The following OR2T11 variants were observed in gnomAD, a reference collection of about 807,000 sequenced individuals.
The protein encoded by OR2T11 is olfactory receptor 2T11.
A neutral mutation model predicts 13.5 loss-of-function variants in OR2T11; 14 were observed. That is an observed-to-expected ratio of 1.04 (90% CI 0.69 to 1.62). The LOEUF (loss-of-function observed/expected upper bound fraction) is 1.62, where lower values mean the gene tolerates loss of function less well. OR2T11 is among the 40% of genes most tolerant of loss of function. The pLI is 0.00. For synonymous variants in OR2T11, 163 were observed against 154.6 expected, an observed-to-expected ratio of 1.05 and a Z score of -0.40; for missense variants, 410 against 389.7, an observed-to-expected ratio of 1.05 and a Z score of -0.44.
intron 1 of OR2T11, among the ~76,000 whole-genome samples, chr1:248,630,638 A>T (rs1306195167): frequency 6.9e-6 from 1 of 144,146 alleles, no homozygotes; most frequent in African/African-American, 2.7e-5. Flanking sequence ...GCAAAATGTC[A>T]TCTGCCTTCT....
Position 248,625,110 on chromosome 1 carries a change from A to C in OR2T11, c.*1068T>G, listed in dbSNP as rs1207843526. 7.0e-6 allele frequency: 1 copy of C among 143,564 alleles called. No homozygotes were observed. The highest frequency in any genetic ancestry group is 1.5e-5 in the Non-Finnish European group (1 of 66,296). The allele number at this position is 143,564 out of a possible 1,614,324, so 8.9% of individuals were successfully genotyped here. A position where few individuals can be genotyped will look rare whatever the true frequency, so the allele number is the denominator to read the frequency against. On this transcript the variant is annotated 3_prime_UTR_variant, in exon 2 of 2. Coordinates refer to ENST00000641193, the MANE Select transcript of OR2T11 (RefSeq NM_001001964.2). ...CTACCGACAAGTTTTCCAAATATCA[A>C]TATTCCATTTTTTTATTCACTTGGG... is the stretch of plus-strand genomic sequence containing the variant.
In OR2T11 at chr1:248,629,244, C is replaced by T. The variant is rs554466661; in HGVS notation, c.-144-1972G>A. Among the ~76,000 whole-genome samples, 24 of 141,844 alleles carry T rather than the reference C, an allele frequency of 1.7e-4. 2 individuals carry two copies. Among genetic ancestry groups the T allele is most frequent in the Non-Finnish European group, 3.0e-4 (20 of 65,912 alleles). The allele number at this position is 141,844 out of a possible 152,430, so 93.1% of individuals were successfully genotyped here. A position where few individuals can be genotyped will look rare whatever the true frequency, so the allele number is the denominator to read the frequency against. On this transcript the variant is annotated intron_variant, in intron 1 of 1. Coordinates refer to ENST00000641193, the MANE Select transcript of OR2T11 (RefSeq NM_001001964.2). ...TAACAGAGCTCGTCTTTATAAAAAA[C>T]TAGCCAGGCGTGGTGGTGCACGTCA...
intron 1 of OR2T11, among the ~76,000 whole-genome samples, chr1:248,633,594 A>C (rs28520720): frequency 0.93 from 121,853 of 130,858 alleles, 58,454 homozygotes; most frequent in East Asian, 0.99. Flanking sequence ...CTTCATTAAA[A>C]CTTCAGCTAT....
chr1:248,633,505 C>T (rs1284991904), intron 1 of OR2T11, among the ~76,000 whole-genome samples: 2 of 141,380 alleles, frequency 1.4e-5, no homozygotes, highest in African/African-American at 5.6e-5. Flanking sequence ...GCATCCCTGC[C>T]TTGGGCCAAA....
At position 248,626,299 on chromosome 1, in the gene OR2T11, A is replaced by G; in HGVS notation, c.830T>C (p.Ile277Thr). 1 of 1,569,080 alleles carries G rather than the reference A, an allele frequency of 6.4e-7. No individual in the cohort carries two copies. Among genetic ancestry groups the G allele is most frequent in the South Asian group, 1.1e-5 (1 of 88,832 alleles). The change falls in exon 2 of 2, where the codon ATT (isoleucine) becomes ACT (threonine). Residue 277 changes from isoleucine (I) to threonine (T), a missense_variant. Coordinates refer to ENST00000641193, the MANE Select transcript of OR2T11 (RefSeq NM_001001964.2). ...QDKVVSAFYT[I>T]VTPMLNPLIY... ...GAGAGGATTAAGCATGGGCGTGACA[A>G]TGGTATAGAAGGCTGACACTACTTT...
chr1:248,634,050 A>AAG lies in OR2T11; in HGVS notation c.-145+986_-145+987dup, dbSNP rs569525321. 8.5e-4 allele frequency among the ~76,000 whole-genome samples: 121 copies of AAG among 142,092 alleles called. 23 individuals carry two copies. Among genetic ancestry groups the AAG allele is most frequent in the African/African-American group, 3.2e-3 (117 of 36,138 alleles). 93.2% of individuals were successfully genotyped at this position (142,092 alleles called of 152,430 possible). A position where few individuals can be genotyped will look rare whatever the true frequency, so the allele number is the denominator to read the frequency against. ...CATGCAGTTCTATGTGAGCCTATAA[A>AAG]AGTCTAACTTTGTTAATCTTCAGTT... On this transcript the variant is annotated intron_variant, in intron 1 of 1. Coordinates refer to ENST00000641193, the MANE Select transcript of OR2T11 (RefSeq NM_001001964.2).
chr1:248,630,082 T>C (rs1334050941), intron 1 of OR2T11, among the ~76,000 whole-genome samples: 1 of 123,844 alleles, frequency 8.1e-6, no homozygotes, highest in African/African-American at 3.2e-5. Context: ...AAATCATTTT[T>C]AAACACATTC....
Position 248,632,114 on chromosome 1 carries a change from GAAA to G in OR2T11, c.-145+2921_-145+2923del, listed in dbSNP as rs548252062. On this transcript the variant is annotated intron_variant, in intron 1 of 1. Transcript: ENST00000641193. ...GTTATCACATGTACCCTAAGAAAAA[GAAA>G]AACAGAATGACCCTTGAAGAATCTT... Among the ~76,000 whole-genome samples the G allele has an allele frequency of 8.4e-5, 12 of 142,808 alleles. 3 individuals carry two copies. The highest frequency in any genetic ancestry group is 2.5e-4 in the African/African-American group (9 of 36,378). The allele number at this position is 142,808 out of a possible 152,430, so 93.7% of individuals were successfully genotyped here.
chr1:248,626,578 A>G lies in OR2T11; in HGVS notation c.551T>C (p.Leu184Pro). 1 of 1,573,154 alleles carries G rather than the reference A, an allele frequency of 6.4e-7. No individual in the cohort carries two copies. Among genetic ancestry groups the G allele is most frequent in the Non-Finnish European group, 8.6e-7 (1 of 1,156,476 alleles). ...ATACAAGGACGTGTCTGCACAGGCC[A>G]GTTTCAGAACTGCTGGGATCTCACA... The part of the protein sequence containing the change: ...FFCEIPAVLK[L>P]ACADTSLYET... Residue 184 changes from leucine to proline, a missense_variant, in exon 2 of 2, where the codon CTG becomes CCG. By Grantham distance (98) the Leu-to-Pro change is moderately conservative. Transcript: ENST00000641193.
rs1209564413 is a variant in OR2T11 at position 248,628,853 on chromosome 1, G to A, written c.-144-1581C>T. On this transcript the variant is annotated intron_variant, in intron 1 of 1. Transcript: ENST00000641193. ...CTGTCAGGCCTCCCAGAAATACTCC[G>A]TGGTCAAAACTCTACTTCAGTGAGT... Among the ~76,000 whole-genome samples, 6 of 143,214 alleles carry A rather than the reference G, an allele frequency of 4.2e-5. 2 individuals carry two copies. The highest frequency in any genetic ancestry group is 2.2e-4 in the South Asian group (1 of 4,560). 94.0% of individuals were successfully genotyped at this position (143,214 alleles called of 152,430 possible).
In OR2T11 at chr1:248,623,932, C is replaced by G. The variant is rs1252778870; in HGVS notation, c.*2246G>C. On this transcript the variant is annotated 3_prime_UTR_variant, in exon 2 of 2. Transcript: ENST00000641193. ...CTCTTCTCCAAGATGATTCTCTTCTCCTCTCAAACTTTTGACGGGACCACC... is the reference window on the plus strand; with the variant it reads ...CTCTTCTCCAAGATGATTCTCTTCTGCTCTCAAACTTTTGACGGGACCACC... 1.6e-5 allele frequency: 2 copies of G among 123,894 alleles called. 1 individual carries two copies. Among genetic ancestry groups the G allele is most frequent in the African/African-American group, 5.8e-5 (2 of 34,450 alleles). 7.7% of individuals were successfully genotyped at this position (123,894 alleles called of 1,614,324 possible).
At chr1:248,629,744 C>T (rs987171971) in intron 1 of OR2T11, among the ~76,000 whole-genome samples, 4 of 141,348 alleles carry the variant, frequency 2.8e-5, no homozygotes, top group East Asian at 4.1e-4. Flanking sequence ...GCTGCAGCGA[C>T]GGTGGCTTCC....
intron 1 of OR2T11, among the ~76,000 whole-genome samples, chr1:248,629,760 C>T (rs910273322): frequency 5.0e-5 from 7 of 140,868 alleles, no homozygotes; most frequent in African/African-American, 2.0e-4. Context: ...CTTCCTTGTC[C>T]TCTGTCCCCA....
rs2103104806 is a variant in OR2T11 at position 248,634,221 on chromosome 1, T to A, written c.-145+817A>T. Among the ~76,000 whole-genome samples, 3 of 104,424 alleles carry A rather than the reference T, an allele frequency of 2.9e-5. No homozygotes were observed. In the East Asian group the frequency reaches 8.3e-4, roughly 29 times the overall value. The allele number at this position is 104,424 out of a possible 152,430, so 68.5% of individuals were successfully genotyped here. A position where few individuals can be genotyped will look rare whatever the true frequency, so the allele number is the denominator to read the frequency against. On this transcript the variant is annotated intron_variant, in intron 1 of 1. Transcript: ENST00000641193. ...GCAAATTCTATGTTAGGAAAAGTTT[T>A]AAGTGCTTGCGATGCCTAACAATTC...
chr1:248,628,257 G>A (rs1660550669), intron 1 of OR2T11, among the ~76,000 whole-genome samples: 1 of 143,386 alleles, frequency 7.0e-6, no homozygotes, highest in Admixed American at 6.8e-5. Flanking sequence ...CATACCAGGT[G>A]GAAGATAGAT....
At chr1:248,630,496 T>C (rs1660594187) in intron 1 of OR2T11, among the ~76,000 whole-genome samples, 2 of 143,862 alleles carry the variant, frequency 1.4e-5, no homozygotes, top group African/African-American at 2.7e-5. Context: ...GCTCTTCAAC[T>C]CAGGTACCAA....
In OR2T11 at chr1:248,626,655, G is replaced by C. The variant is rs1355155546; in HGVS notation, c.474C>G (p.Pro158=). ...GGSLDGFLLT[P]ITMNVPYCGS... is the part of the protein sequence containing the mutation. ...CACAGTAAGGGACATTCATGGTGAT[G>C]GGAGTGAGCAGAAAGCCATCGAGGG... The change falls in exon 2 of 2, where the codon CCC becomes CCG. Residue 158 remains proline (P), a synonymous_variant. Transcript: ENST00000641193. 1.9e-6 allele frequency: 3 copies of C among 1,572,420 alleles called. 1 individual carries two copies. Among genetic ancestry groups the C allele is most frequent in the Non-Finnish European group, 2.6e-6 (3 of 1,155,916 alleles).
At position 248,627,185 on chromosome 1, in the gene OR2T11, G is replaced by A; in HGVS notation, c.-57C>T. The stretch of plus-strand genomic sequence containing the variant: ...GGAAGACACAAGGACCAGGAAGGAG[G>A]CAAGAGAACACGGTCAAGATGGGAA... On this transcript the variant is annotated 5_prime_UTR_variant, in exon 2 of 2. Coordinates refer to ENST00000641193, the MANE Select transcript of OR2T11 (RefSeq NM_001001964.2). The A allele has an allele frequency of 1.9e-6, 2 of 1,028,622 alleles. No individual in the cohort carries two copies. Among genetic ancestry groups the A allele is most frequent in the Non-Finnish European group, 2.9e-6 (2 of 687,800 alleles). The allele number at this position is 1,028,622 out of a possible 1,614,324, so 63.7% of individuals were successfully genotyped here. A position where few individuals can be genotyped will look rare whatever the true frequency, so the allele number is the denominator to read the frequency against.
intron 1 of OR2T11, among the ~76,000 whole-genome samples, chr1:248,629,022 T>C (rs1660566008): frequency 7.0e-6 from 1 of 143,718 alleles, no homozygotes; most frequent in South Asian, 2.2e-4. Context: ...CTCCAAAAAC[T>C]TCCTAATAGA....
Sources: allele counts gnomAD v4.1 joint callset (sites outside exome capture counted in the v4.1 genomes callset), GRCh38; gene constraint gnomAD v4.1.1; transcripts MANE v1.5; gene names NCBI Gene and HGNC (gene_info 2026-07-23, HGNC 2026-07-21).